Variants in DCDC1 observed in about 807,000 individuals in gnomAD.
The protein encoded by DCDC1 is doublecortin domain containing 1.
Under a neutral mutation model 178.3 loss-of-function variants are expected in DCDC1, and 200 were observed. The ratio of observed to expected loss-of-function variants is 1.12; its 90% CI spans 1.00 to 1.26. DCDC1 has a LOEUF of 1.26. Among genes scored for constraint, DCDC1 ranks in the 50% most tolerant of loss-of-function variants. The probability of loss-of-function intolerance (pLI) is 0.00; values close to 1 mark genes in which losing one functional copy is unlikely to be tolerated. For missense variants in DCDC1, 1,983 were observed against 1,749.2 expected (o/e 1.13, Z -2.38); for synonymous variants, 690 against 604.8 (o/e 1.14, Z -2.07).
At chr11:30,884,155 T>A (rs1942959364) in intron 36 of DCDC1, among the ~76,000 whole-genome samples, 1 of 150,636 alleles carries the variant, frequency 6.6e-6, no homozygotes, top group African/African-American at 2.4e-5. Context: ...CATCTCAGTC[T>A]CCCGAGTATC....
At chr11:31,296,535 T>A (rs1024843469) in intron 6 of DCDC1, among the ~76,000 whole-genome samples, 7 of 152,152 alleles carry the variant, frequency 4.6e-5, no homozygotes, top group Non-Finnish European at 1.0e-4. Context: ...ATTACCTAGT[T>A]CCAAAGTTGC....
chr11:30,875,495 G>A (rs940839205), intron 38 of DCDC1, among the ~76,000 whole-genome samples: 3 of 151,750 alleles, frequency 2.0e-5, no homozygotes, highest in Non-Finnish European at 2.9e-5. Context: ...TTGATCATTC[G>A]CTTCCAAATG....
intron 19 of DCDC1, 54 bp downstream of exon 19, chr11:31,064,965 C>T: frequency 3.0e-6 from 2 of 662,918 alleles, no homozygotes; most frequent in African/African-American, 1.8e-5. Context: ...TTTCTTTTTT[C>T]AAAATATATT....
intron 8 of DCDC1, among the ~76,000 whole-genome samples, chr11:31,244,355 A>G (rs753176506): frequency 2.4e-4 from 36 of 151,726 alleles, no homozygotes; most frequent in Non-Finnish European, 4.6e-4. Context: ...ATAGCTCATA[A>G]GTGCTCTTAA....
At chr11:31,017,235 C>T (rs1952538807) in intron 20 of DCDC1, among the ~76,000 whole-genome samples, 1 of 152,148 alleles carries the variant, frequency 6.6e-6, no homozygotes. Flanking sequence ...TGCAGATTTT[C>T]TTCCTCCTTT....
At chr11:31,283,675 C>T (rs529258771) in intron 7 of DCDC1, among the ~76,000 whole-genome samples, 1 of 152,220 alleles carries the variant, frequency 6.6e-6, no homozygotes, top group East Asian at 1.9e-4. Context: ...TCTCCTTACC[C>T]TGCACATACT....
chr11:31,307,988 G>T, intron 3 of DCDC1, 80 bp from the exon 4 acceptor site: 1 of 1,554,326 alleles, frequency 6.4e-7, no homozygotes, highest in Non-Finnish European at 8.7e-7. Context: ...ATAACGAGTT[G>T]TGTGCTATGT....
intron 20 of DCDC1, among the ~76,000 whole-genome samples, chr11:30,971,700 C>T (rs1949805951): frequency 6.6e-6 from 1 of 150,490 alleles, no homozygotes; most frequent in Non-Finnish European, 1.5e-5. Flanking sequence ...AGCTCTGCCT[C>T]CCGGGTTCAC....
chr11:31,341,418 G>C (rs542844270), intron 1 of DCDC1, among the ~76,000 whole-genome samples: 3 of 149,334 alleles, frequency 2.0e-5, no homozygotes, highest in African/African-American at 7.4e-5. Flanking sequence ...TAGATAGATA[G>C]ATAGATAGAT....
At chr11:30,869,955 C>G (rs762970412) in intron 38 of DCDC1, among the ~76,000 whole-genome samples, 1 of 151,892 alleles carries the variant, frequency 6.6e-6, no homozygotes, top group Admixed American at 6.6e-5. Flanking sequence ...ACAAAGAATT[C>G]GATAGAAGCA....
intron 38 of DCDC1, among the ~76,000 whole-genome samples, chr11:30,867,326 C>G (rs1941086989): frequency 6.6e-6 from 1 of 152,192 alleles, no homozygotes. Context: ...TGGCTGGTGC[C>G]TTTAGCAAAG....
Position 31,012,616 on chromosome 11 carries a change from A to G in DCDC1, c.2591+51853T>C, listed in dbSNP as rs1028517580. Among the ~76,000 whole-genome samples, 3 of 151,942 alleles carry G rather than the reference A, an allele frequency of 2.0e-5. No homozygotes were observed. In the South Asian group the frequency reaches 6.2e-4, roughly 32 times the overall value. ...CAAGACCCTGTCTCAACAAAAAAAA[A>G]AAAAAGAAAAGAAAAGAAAGAAAAT... On this transcript the variant is annotated intron_variant, in intron 20 of 38. Coordinates refer to ENST00000684477, the MANE Select transcript of DCDC1 (RefSeq NM_001387274.1).
intron 36 of DCDC1, 114 bp downstream of exon 36, chr11:30,892,704 G>T: frequency 1.7e-6 from 2 of 1,198,998 alleles, no homozygotes; most frequent in Non-Finnish European, 2.4e-6. Flanking sequence ...TTACTATTTT[G>T]TGGACAAGAA....
chr11:31,208,319 A>G (rs1972102655), intron 9 of DCDC1, among the ~76,000 whole-genome samples: 1 of 152,170 alleles, frequency 6.6e-6, no homozygotes, highest in East Asian at 1.9e-4. Flanking sequence ...AGTAGGACAC[A>G]TCTTGCATTC....
chr11:31,271,159 T>C (rs1028071881), intron 7 of DCDC1, among the ~76,000 whole-genome samples: 9 of 152,194 alleles, frequency 5.9e-5, no homozygotes, highest in Admixed American at 2.0e-4. Flanking sequence ...AGAGAGAAAT[T>C]TGAAGCCTCA....
chr11:31,137,415 T>A (rs1233379088), intron 10 of DCDC1, among the ~76,000 whole-genome samples: 12 of 149,352 alleles, frequency 8.0e-5, no homozygotes, highest in Non-Finnish European at 1.2e-4. Context: ...AGTCGCGCAA[T>A]CTCTGCTCAC....
At chr11:31,348,061 T>C (rs1372581413) in intron 1 of DCDC1, among the ~76,000 whole-genome samples, 2 of 152,232 alleles carry the variant, frequency 1.3e-5, no homozygotes, top group Non-Finnish European at 2.9e-5. Context: ...GCTTACTATG[T>C]ATATTTAGTA....
At chr11:31,359,091 C>T (rs1411096000) in intron 1 of DCDC1, among the ~76,000 whole-genome samples, 2 of 152,094 alleles carry the variant, frequency 1.3e-5, no homozygotes, top group Non-Finnish European at 2.9e-5. Context: ...TGGGTATATA[C>T]CCAAAGGACT....
At chr11:30,874,746 A>G (rs628313) in intron 38 of DCDC1, among the ~76,000 whole-genome samples, 1,750 of 152,206 alleles carry the variant, frequency 0.011, 32 homozygotes, top group African/African-American at 0.04. Context: ...CTGGTCTCAC[A>G]CAGCTGACAT....
Sources: gnomAD v4.1 joint callset for allele counts (sites outside exome capture counted in the v4.1 genomes callset) on GRCh38, gnomAD v4.1.1 for gene constraint, MANE v1.5 for transcripts, NCBI Gene and HGNC (gene_info 2026-07-23, HGNC 2026-07-21) for gene names.